Variants in SLC1A7 observed in about 807,000 individuals in gnomAD.
The protein encoded by SLC1A7 is solute carrier family 1 member 7.
Under a neutral mutation model 47.7 loss-of-function variants are expected in SLC1A7, and 40 were observed. That is an observed-to-expected ratio of 0.84 (90% CI 0.65 to 1.09). The LOEUF is 1.09. Among genes scored for constraint, SLC1A7 ranks in the 50% least tolerant of loss-of-function variants. The pLI is 0.00. For missense variants in SLC1A7, 746 were observed against 769.5 expected, an observed-to-expected ratio of 0.97 and a Z score of 0.36; for synonymous variants, 323 against 325.6, an observed-to-expected ratio of 0.99 and a Z score of 0.09.
At chr1:53,136,791 C>T (rs1028167110) in intron 1 of SLC1A7, among the ~76,000 whole-genome samples, 2 of 150,582 alleles carry the variant, frequency 1.3e-5, no homozygotes, top group East Asian at 2.0e-4. Flanking sequence ...CTCAGGCTCC[C>T]GAGTAGCTGA....
intron 8 of SLC1A7, 79 bp downstream of exon 8, chr1:53,090,533 C>G: frequency 6.9e-7 from 1 of 1,457,432 alleles, no homozygotes; most frequent in Non-Finnish European, 9.1e-7. Context: ...CTTCAGATAC[C>G]CCTCAAGTCT....
intron 2 of SLC1A7, among the ~76,000 whole-genome samples, chr1:53,130,288 G>A (rs1338087759): frequency 1.3e-5 from 2 of 152,212 alleles, no homozygotes; most frequent in East Asian, 3.8e-4. Flanking sequence ...CTGGGCAGGA[G>A]CAGGAGTGTG....
intron 1 of SLC1A7, among the ~76,000 whole-genome samples, chr1:53,135,488 A>T (rs1382339460): frequency 6.6e-6 from 1 of 152,234 alleles, no homozygotes; most frequent in Non-Finnish European, 1.5e-5. Context: ...CCTTTGGCAG[A>T]GTTCTTACGC....
chr1:53,112,920 C>T (rs557345619), intron 3 of SLC1A7, among the ~76,000 whole-genome samples: 39 of 152,252 alleles, frequency 2.6e-4, no homozygotes, highest in Admixed American at 6.5e-4. Context: ...AGAGACACAA[C>T]GAGGGAGCAC....
chr1:53,125,796 G>A (rs1333261266), intron 2 of SLC1A7, among the ~76,000 whole-genome samples: 1 of 152,202 alleles, frequency 6.6e-6, no homozygotes, highest in Non-Finnish European at 1.5e-5. Flanking sequence ...ACCCCGTGGA[G>A]GGAACCAGAG....
At chr1:53,137,241 C>T (rs1476197653) in intron 1 of SLC1A7, among the ~76,000 whole-genome samples, 4 of 145,444 alleles carry the variant, frequency 2.8e-5, no homozygotes, top group East Asian at 2.1e-4. Context: ...GAGCTAAGAT[C>T]GCACCACTGC....
At chr1:53,137,287 C>CAA (rs60113708) in intron 1 of SLC1A7, among the ~76,000 whole-genome samples, 8 of 100,754 alleles carry the variant, frequency 7.9e-5, no homozygotes, top group Admixed American at 1.3e-4. Flanking sequence ...ACGCTATCTC[C>CAA]AAAAAAAAAA....
Position 53,137,287 on chromosome 1 carries a change from C to CAAAAAAAAAAAAAAAAAAAAAAAAAA in SLC1A7, c.136-2859_136-2858insTTTTTTTTTTTTTTTTTTTTTTTTTT, listed in dbSNP as rs60113708. On this transcript the variant is annotated intron_variant, in intron 1 of 10. Transcript: ENST00000371494. ...GGGCAACAGAGGGAGACGCTATCTC[C>CAAAAAAAAAAAAAAAAAAAAAAAAAA]AAAAAAAAAAAAGTGCTCTACTGAT... Among the ~76,000 whole-genome samples the CAAAAAAAAAAAAAAAAAAAAAAAAAA allele has an allele frequency of 3.0e-3, 303 of 100,644 alleles. 14 individuals carry two copies. The highest frequency in any genetic ancestry group is 0.011 in the African/African-American group (291 of 25,636). 66.0% of individuals were successfully genotyped at this position (100,644 alleles called of 152,430 possible).
chr1:53,125,892 G>A (rs563773108), intron 2 of SLC1A7, among the ~76,000 whole-genome samples: 6 of 152,348 alleles, frequency 3.9e-5, no homozygotes, highest in Admixed American at 3.9e-4. Context: ...CTGTGGCCAC[G>A]GGGTGGAGGC....
chr1:53,090,934 C>CG, intron 7 of SLC1A7, 128 bp from the exon 8 acceptor site: 3 of 1,536,958 alleles, frequency 2.0e-6, no homozygotes, highest in Non-Finnish European at 2.6e-6. Flanking sequence ...AGCGCTGCTC[C>CG]GGCAGGAGGT....
Position 53,121,342 on chromosome 1 carries a change from T to G in SLC1A7, c.216-6369A>C, listed in dbSNP as rs117459118. On this transcript the variant is annotated intron_variant, in intron 2 of 10. Transcript: ENST00000371494. Reference sequence around the variant, plus strand: ...TGAGAACAGATCACCAGTACCAGCCTTGGTCCCCGGATGGGCTTAGGGGAA... The same window carrying G: ...TGAGAACAGATCACCAGTACCAGCCGTGGTCCCCGGATGGGCTTAGGGGAA... Among the ~76,000 whole-genome samples the G allele has an allele frequency of 2.3e-4, 35 of 152,308 alleles. 2 individuals are homozygous for G. In the East Asian group the frequency reaches 6.7e-3, roughly 29 times the overall value.
intron 2 of SLC1A7, among the ~76,000 whole-genome samples, chr1:53,122,684 C>T (rs1484106267): frequency 1.3e-5 from 2 of 152,126 alleles, no homozygotes; most frequent in African/African-American, 4.8e-5. Flanking sequence ...AGCACACCCT[C>T]CCAAGGGCAG....
intron 2 of SLC1A7, among the ~76,000 whole-genome samples, chr1:53,129,388 C>G (rs989035279): frequency 4.6e-5 from 7 of 152,136 alleles, no homozygotes; most frequent in African/African-American, 1.7e-4. Context: ...CTCCAAAGCC[C>G]TGTTCCTGCC....
chr1:53,092,503 AG>A (rs1290737103), intron 7 of SLC1A7, 50 bp downstream of exon 7: 9 of 1,335,630 alleles, frequency 6.7e-6, no homozygotes, highest in Non-Finnish European at 9.6e-6. Flanking sequence ...ACAGACGGAC[AG>A]GGCTCAGCCC....
chr1:53,112,864 G>A (rs1327436628), intron 3 of SLC1A7, among the ~76,000 whole-genome samples: 1 of 152,202 alleles, frequency 6.6e-6, no homozygotes, highest in Admixed American at 6.5e-5. Context: ...GGTGAGAGAT[G>A]CGAGAGAGAA....
chr1:53,098,074 C>T (rs1644520883), intron 5 of SLC1A7, among the ~76,000 whole-genome samples: 1 of 151,470 alleles, frequency 6.6e-6, no homozygotes, highest in Non-Finnish European at 1.5e-5. Flanking sequence ...TGCCTTGGTA[C>T]ACTCACACAC....
intron 5 of SLC1A7, 54 bp from the exon 6 acceptor site, chr1:53,093,614 A>T: frequency 2.1e-6 from 3 of 1,397,578 alleles, no homozygotes; most frequent in Non-Finnish European, 2.9e-6. Flanking sequence ...CCACAGGCCC[A>T]CATGGGTCTC....
rs1438674671 is a variant in SLC1A7 at position 53,093,532 on chromosome 1, G to A, written c.726C>T (p.Ser242=). The A allele has an allele frequency of 5.0e-6, 8 of 1,607,970 alleles. No homozygotes were observed. Among genetic ancestry groups the A allele is most frequent in the Admixed American group, 1.7e-5 (1 of 59,820 alleles). Residue 242 remains serine (S), a synonymous_variant, in exon 6 of 11, where the codon AGC becomes AGT. Transcript: ENST00000371494. ...GGCAGAAGCTGACCAGGGGGGCCCC[G>A]CTGTCACCCATGCGGCCCAGCATGA... ...MGIMLGRMGD[S]GAPLVSFCQC...
At chr1:53,125,526 G>A (rs555601328) in intron 2 of SLC1A7, among the ~76,000 whole-genome samples, 7 of 152,292 alleles carry the variant, frequency 4.6e-5, no homozygotes, top group South Asian at 2.1e-4. Context: ...ACCAGGGTAC[G>A]CTAGAGTCCC....
Sources: gnomAD v4.1 joint callset for allele counts (sites outside exome capture counted in the v4.1 genomes callset) on GRCh38, gnomAD v4.1.1 for gene constraint, MANE v1.5 for transcripts, NCBI Gene and HGNC (gene_info 2026-07-23, HGNC 2026-07-21) for gene names.